The following TTC8 variants were observed in gnomAD, a reference collection of about 807,000 sequenced individuals.
TTC8 encodes tetratricopeptide repeat domain 8.
TTC8 carries 47 observed loss-of-function variants against 72.5 expected under a neutral mutation model. The observed-to-expected ratio is 0.65, with a 90% CI of 0.51 to 0.83. The LOEUF is 0.83. Ranked by LOEUF, TTC8 falls within the 40% of genes least tolerant of loss-of-function variation. The pLI is 0.00. For missense variants in TTC8, 611 were observed against 623.2 expected, an observed-to-expected ratio of 0.98 and a Z score of 0.21; for synonymous variants, 199 against 221.4, an observed-to-expected ratio of 0.90 and a Z score of 0.90.
chr14:88,880,738 TTA>T (rs2094970198), downstream of TTC8: 1 of 152,142 alleles, frequency 6.6e-6, no homozygotes, highest in African/African-American at 2.4e-5. Flanking sequence ...CTCTACTGGA[TTA>T]TGTCTTTTTT....
At chr14:88,825,980 T>A (rs958798179) in intron 1 of TTC8, among the ~76,000 whole-genome samples, 7 of 151,458 alleles carry the variant, frequency 4.6e-5, no homozygotes, top group East Asian at 1.9e-4. Flanking sequence ...AAATTTTTTT[T>A]ATTTTTTTTT....
At chr14:88,879,399 C>G (rs2094967075), downstream of TTC8, 1 of 152,130 alleles carries the variant, frequency 6.6e-6, no homozygotes, top group African/African-American at 2.4e-5. Context: ...ACAAATTGCT[C>G]AACCAAAATT....
intron 10 of TTC8, among the ~76,000 whole-genome samples, chr14:88,864,817 C>A (rs1041630590): frequency 6.6e-6 from 1 of 152,164 alleles, no homozygotes; most frequent in African/African-American, 2.4e-5. Flanking sequence ...CCAGTGTATT[C>A]TTTTTCTCTT....
At chr14:88,867,370 C>T (rs1332811819) in intron 10 of TTC8, among the ~76,000 whole-genome samples, 1 of 152,000 alleles carries the variant, frequency 6.6e-6, no homozygotes, top group African/African-American at 2.4e-5. Flanking sequence ...TGAAGTAAAG[C>T]TTTTGGTTTT....
chr14:88,836,429 T>C (rs2094751310), intron 2 of TTC8, among the ~76,000 whole-genome samples: 1 of 151,462 alleles, frequency 6.6e-6, no homozygotes, highest in Admixed American at 6.6e-5. Context: ...ATCACCTGAA[T>C]TCTGGAGGTT....
intron 10 of TTC8, 102 bp from the exon 11 acceptor site, chr14:88,869,957 C>A: frequency 8.1e-7 from 1 of 1,227,612 alleles, no homozygotes; most frequent in Non-Finnish European, 1.2e-6. Context: ...GGTAGCCTCT[C>A]AATAAATACT....
intron 1 of TTC8, among the ~76,000 whole-genome samples, chr14:88,827,440 ATT>A (rs760707750): frequency 1.2e-4 from 18 of 151,978 alleles, no homozygotes; most frequent in Non-Finnish European, 2.4e-4. Flanking sequence ...TATTTGTTTT[ATT>A]TGTTTGTTTT....
At chr14:88,832,924 T>A (rs2094732932) in intron 1 of TTC8, among the ~76,000 whole-genome samples, 1 of 152,234 alleles carries the variant, frequency 6.6e-6, no homozygotes, top group Non-Finnish European at 1.5e-5. Flanking sequence ...TTTTCTAGCC[T>A]AACTTAACCT....
At chr14:88,870,273 A>C (rs961484869) in intron 11 of TTC8, 75 bp downstream of exon 11, 1 of 1,516,474 alleles carries the variant, frequency 6.6e-7, no homozygotes, top group Admixed American at 1.7e-5. Context: ...ATGGAATGAA[A>C]GTATAGAGAA....
intron 2 of TTC8, 147 bp downstream of exon 2, chr14:88,833,869 A>G (rs879188119): frequency 1.4e-6 from 1 of 696,830 alleles, no homozygotes; most frequent in Non-Finnish European, 2.6e-6. Flanking sequence ...GTGCCTTCTT[A>G]TGTAAATAAA....
intron 8 of TTC8, among the ~76,000 whole-genome samples, chr14:88,854,247 C>G (rs956739533): frequency 6.6e-6 from 1 of 152,196 alleles, no homozygotes; most frequent in African/African-American, 2.4e-5. Flanking sequence ...AAGCAAAACT[C>G]TGATTCCTTT....
rs1474124337 is a variant in TTC8 at position 88,858,549 on chromosome 14, A to T, written c.798+1272A>T. Among the ~76,000 whole-genome samples, 2 of 152,042 alleles carry T rather than the reference A, an allele frequency of 1.3e-5. 1 individual carries two copies. Among genetic ancestry groups the T allele is most frequent in the South Asian group, 4.2e-4 (2 of 4,818 alleles). On this transcript the variant is annotated intron_variant, in intron 9 of 14. Transcript: ENST00000380656. Reference sequence around the variant, plus strand: ...ATGACTTTCAAAAATGTTTGAAACTATCTGGTATCTAACTTTATCTTCTAT... The same window carrying T: ...ATGACTTTCAAAAATGTTTGAAACTTTCTGGTATCTAACTTTATCTTCTAT...
At chr14:88,869,005 A>G (rs1454817681) in intron 10 of TTC8, among the ~76,000 whole-genome samples, 5 of 152,226 alleles carry the variant, frequency 3.3e-5, no homozygotes, top group Admixed American at 2.0e-4. Context: ...TTCTGTTTAA[A>G]AAAAGCACTG....
chr14:88,858,754 ATTTTTTT>A (rs138871136), intron 9 of TTC8, among the ~76,000 whole-genome samples: 6 of 86,904 alleles, frequency 6.9e-5, no homozygotes, highest in East Asian at 7.0e-4. Flanking sequence ...TGCCTGGATA[ATTTTTTT>A]TTTTTTTTTT....
chr14:88,843,769 A>C, intron 6 of TTC8, 37 bp from the exon 7 acceptor site: 1 of 1,538,992 alleles, frequency 6.5e-7, no homozygotes, highest in South Asian at 1.2e-5. Context: ...ATTAAAAAAA[A>C]AAATCTAACG....
At position 88,843,797 on chromosome 14, in the gene TTC8, T is replaced by C. The variant is rs1236228614; in HGVS notation, c.580-9T>C. The stretch of plus-strand genomic sequence containing the variant: ...ATCTAACGTATTTTTGACACTTTTT[T>C]CTTCACAGGCTTTGTTTGAGTATAT... On this transcript the variant is annotated splice_polypyrimidine_tract_variant and intron_variant, in intron 6 of 14. Coordinates refer to ENST00000380656, the MANE Select transcript of TTC8 (RefSeq NM_144596.4). The C allele has an allele frequency of 6.3e-7, 1 of 1,592,974 alleles. No homozygotes were observed. Among genetic ancestry groups the C allele is most frequent in the East Asian group, 2.2e-5 (1 of 44,470 alleles).
In TTC8 at chr14:88,875,098, A is replaced by G. The variant is rs1244721977; in HGVS notation, c.1420A>G (p.Ile474Val). 2.5e-6 allele frequency: 4 copies of G among 1,611,150 alleles called. No homozygotes were observed. Among genetic ancestry groups the G allele is most frequent in the African/African-American group, 1.3e-5 (1 of 74,882 alleles). The change falls in exon 14 of 15, where the codon ATC (isoleucine) becomes GTC (valine). Residue 474 changes from isoleucine to valine, a missense_variant. By Grantham distance (29) the Ile-to-Val change is conservative. Transcript: ENST00000380656. ...MYEPHFNFATISDKIGDLQRS... is the reference protein window; with the variant it reads ...MYEPHFNFATVSDKIGDLQRS... ...TGAACCGCATTTTAATTTTGCAACA[A>G]TCTCTGATAAGGTATTCTCTTTCTT...
chr14:88,851,141 G>C (rs926330854), intron 7 of TTC8, among the ~76,000 whole-genome samples: 1 of 152,096 alleles, frequency 6.6e-6, no homozygotes, highest in African/African-American at 2.4e-5. Context: ...TGGAAAATAG[G>C]CTGCATTATA....
chr14:88,870,210 A>G lies in TTC8; in HGVS notation c.1049+12A>G. 2 of 1,613,920 alleles carry G rather than the reference A, an allele frequency of 1.2e-6. No homozygotes were observed. The highest frequency in any genetic ancestry group is 1.3e-5 in the African/African-American group (1 of 75,058). Reference sequence around the variant, plus strand: ...CTCCGGTTTTACAGGTGCACTTCACATCCAATTCTTAGAACCACTTTCCTG... The same window carrying G: ...CTCCGGTTTTACAGGTGCACTTCACGTCCAATTCTTAGAACCACTTTCCTG... On this transcript the variant is annotated intron_variant, in intron 11 of 14. Transcript: ENST00000380656.
Sources: allele counts gnomAD v4.1 joint callset (sites outside exome capture counted in the v4.1 genomes callset), GRCh38; gene constraint gnomAD v4.1.1; transcripts MANE v1.5; gene names NCBI Gene and HGNC (gene_info 2026-07-23, HGNC 2026-07-21).